Variants in MORC3 observed in about 807,000 individuals in gnomAD.
MORC3 encodes MORC family CW-type zinc finger protein 3.
Under a neutral mutation model 109.1 loss-of-function variants are expected in MORC3, and 31 were observed. That is an observed-to-expected ratio of 0.28 (90% confidence interval 0.21 to 0.38). The LOEUF (loss-of-function observed/expected upper bound fraction) is 0.38, where lower values mean the gene tolerates loss of function less well. MORC3 is among the 10% of genes least tolerant of loss of function. MORC3 has a pLI of 1.00. For synonymous variants in MORC3, 395 were observed against 380.7 expected (o/e 1.04, Z -0.44); for missense variants, 867 against 1,135.8 (o/e 0.76, Z 3.40).
At chr21:36,355,989 C>T (rs1234495772) in intron 9 of MORC3, among the ~76,000 whole-genome samples, 6 of 152,010 alleles carry the variant, frequency 3.9e-5, no homozygotes, top group Admixed American at 2.0e-4. Context: ...TTGCACTAAA[C>T]GATTTTTACT....
intron 12 of MORC3, chr21:36,361,538 C>A (rs2085715637): frequency 2.3e-5 from 1 of 42,834 alleles, no homozygotes; most frequent in East Asian, 1.0e-3. Flanking sequence ...GAGACTCTGT[C>A]TCAAAAAAAA....
rs980767270 is a variant in MORC3, at chr21:36,356,078, C to T, written c.1104-542C>T. ...ACTTGAAGCAAATAAAAAACTTGAG[C>T]CCATCAAAATAGCAACAGGAGGTGG... On this transcript the variant is annotated intron_variant, in intron 9 of 16. Transcript: ENST00000400485. Among the ~76,000 whole-genome samples, 5 of 151,920 alleles carry T rather than the reference C, an allele frequency of 3.3e-5. No individual in the cohort carries two copies. In the South Asian group the frequency reaches 8.3e-4, roughly 25 times the overall value.
chr21:36,349,345 T>C lies in MORC3; in HGVS notation c.1040T>C (p.Ile347Thr). 1 of 1,611,468 alleles carries C rather than the reference T, an allele frequency of 6.2e-7. No homozygotes were observed. The highest frequency in any genetic ancestry group is 8.5e-7 in the Non-Finnish European group (1 of 1,179,188). The stretch of plus-strand genomic sequence containing the variant: ...ATGGGTGTTGGAGTGGTTGGAATTA[T>C]AGAGTGTAATTTCCTTAAGCCAACT... Reference protein sequence around the residue: ...NNMGVGVVGIIECNFLKPTHN... With the variant: ...NNMGVGVVGITECNFLKPTHN... The change falls in exon 9 of 17, where the codon ATA (isoleucine) becomes ACA (threonine). Residue 347 changes from isoleucine (I) to threonine (T), a missense_variant. Ile to Thr is a moderately conservative substitution (Grantham distance 89). This residue lies in a region of MORC3 where 120 missense variants were observed against 259.7 expected (regional missense o/e 0.46). Transcript: ENST00000400485.
chr21:36,356,802 T>C, intron 10 of MORC3, 78 bp downstream of exon 10: 1 of 877,068 alleles, frequency 1.1e-6, no homozygotes, highest in South Asian at 1.9e-5. Context: ...TTGTACAATG[T>C]TTCACAAACT....
At chr21:36,372,348 A>G (rs758157070) in intron 15 of MORC3, 26 bp from the exon 16 acceptor site, 1 of 1,528,086 alleles carries the variant, frequency 6.5e-7, no homozygotes, top group East Asian at 2.3e-5. Context: ...TTTTACAGTT[A>G]TAAAGCTCAT....
chr21:36,328,906 T>TAA (rs111399017), intron 1 of MORC3, among the ~76,000 whole-genome samples: 71,024 of 138,840 alleles, frequency 0.51, 18,216 homozygotes, highest in East Asian at 0.68. Context: ...GCTGATGAGG[T>TAA]AAAAAAAAAA....
At chr21:36,353,339 G>C (rs1263357307) in intron 9 of MORC3, among the ~76,000 whole-genome samples, 3 of 115,466 alleles carry the variant, frequency 2.6e-5, no homozygotes, top group African/African-American at 3.4e-5. Flanking sequence ...TTTGGTGACA[G>C]AGAGAGACTC....
chr21:36,326,402 C>T (rs547391727), intron 1 of MORC3, among the ~76,000 whole-genome samples: 2 of 151,502 alleles, frequency 1.3e-5, no homozygotes, highest in South Asian at 2.1e-4. Context: ...GACACACAAC[C>T]GTGGTCCCAG....
intron 2 of MORC3, among the ~76,000 whole-genome samples, chr21:36,334,033 T>C (rs8134277): frequency 0.73 from 110,676 of 151,570 alleles, 41,487 homozygotes; most frequent in East Asian, 1. Context: ...GTGATCCGCC[T>C]GCCTCAGCCT....
chr21:36,341,037 C>T (rs1040428556), intron 5 of MORC3, among the ~76,000 whole-genome samples: 1 of 152,262 alleles, frequency 6.6e-6, no homozygotes, highest in Non-Finnish European at 1.5e-5. Context: ...TGGGATATTA[C>T]AAATAAAGCT....
intron 14 of MORC3, among the ~76,000 whole-genome samples, 188 bp downstream of exon 14, chr21:36,364,447 C>T (rs969206574): frequency 2.6e-5 from 4 of 152,196 alleles, no homozygotes; most frequent in Non-Finnish European, 4.4e-5. Flanking sequence ...AACCCTACTT[C>T]TGCCACCTGT....
intron 9 of MORC3, among the ~76,000 whole-genome samples, chr21:36,355,102 G>A (rs2085630917): frequency 6.6e-6 from 1 of 152,140 alleles, no homozygotes; most frequent in Non-Finnish European, 1.5e-5. Flanking sequence ...AGACTTTCAT[G>A]ATGTTTTCTC....
intron 15 of MORC3, among the ~76,000 whole-genome samples, chr21:36,372,030 C>G (rs1042176135): frequency 6.6e-6 from 1 of 152,052 alleles, no homozygotes; most frequent in Non-Finnish European, 1.5e-5. Flanking sequence ...TCAGGCTGGT[C>G]TTAAACTCCT....
chr21:36,337,041 T>C (rs2085382040), intron 3 of MORC3, 35 bp downstream of exon 3: 1 of 1,595,326 alleles, frequency 6.3e-7, no homozygotes, highest in Non-Finnish European at 8.5e-7. Flanking sequence ...TTAAAATTGT[T>C]GCTTTTACCT....
At chr21:36,346,344 C>T (rs909661445) in intron 8 of MORC3, among the ~76,000 whole-genome samples, 1 of 152,180 alleles carries the variant, frequency 6.6e-6, no homozygotes, top group Non-Finnish European at 1.5e-5. Context: ...GTATTTGATC[C>T]TGAACAGCCC....
chr21:36,342,592 C>A lies in MORC3; in HGVS notation c.756+1046C>A, dbSNP rs150767609. On this transcript the variant is annotated intron_variant, in intron 6 of 16. Transcript: ENST00000400485. ...TATTTTTTTGTATTTTTGGTAGAGA[C>A]GATGTTTCACCAAGTTGTCCAGGCT... is the stretch of plus-strand genomic sequence containing the variant. 5.2e-3 allele frequency among the ~76,000 whole-genome samples: 795 copies of A among 152,060 alleles called. 6 individuals carry two copies. The highest frequency in any genetic ancestry group is 0.013 in the Admixed American group (196 of 15,278).
chr21:36,360,687 T>C (rs2085703379), intron 12 of MORC3: 1 of 185,818 alleles, frequency 5.4e-6, no homozygotes, highest in South Asian at 1.1e-4. Flanking sequence ...AGAGCAGAAA[T>C]AGATCAGGAA....
In MORC3 at chr21:36,336,744, G is replaced by A. The variant is rs1175073348; in HGVS notation, c.113-130G>A. ...ATGTTTAAAATCTTTAAATTTTAAAGCTGCTAAAAATTGCAGCTTTTAAAG... is the reference window on the plus strand; with the variant it reads ...ATGTTTAAAATCTTTAAATTTTAAAACTGCTAAAAATTGCAGCTTTTAAAG... On this transcript the variant is annotated intron_variant, in intron 2 of 16. Transcript: ENST00000400485. 7 of 818,520 alleles carry A rather than the reference G, an allele frequency of 8.6e-6. No homozygotes were observed. In the African/African-American group the frequency reaches 1.3e-4, roughly 15 times the overall value. 50.7% of individuals were successfully genotyped at this position (818,520 alleles called of 1,614,324 possible).
intron 9 of MORC3, among the ~76,000 whole-genome samples, chr21:36,352,398 T>TG (rs33993234): frequency 0.024 from 3,380 of 139,692 alleles, 56 homozygotes; most frequent in Admixed American, 0.04. Context: ...AAAAAAGGGG[T>TG]GGGGGGGGGC....
Sources: allele counts gnomAD v4.1 joint callset (sites outside exome capture counted in the v4.1 genomes callset), GRCh38; gene constraint gnomAD v4.1.1; regional missense constraint gnomAD v4.1.1; transcripts MANE v1.5; gene names NCBI Gene and HGNC (gene_info 2026-07-23, HGNC 2026-07-21).